SENP5: variants seen among roughly 807,000 people sequenced by gnomAD.
SENP5 encodes SUMO specific peptidase 5.
In SENP5, 21 loss-of-function variants were observed where a neutral mutation model predicts 74.2. That is an observed-to-expected ratio of 0.28 (90% CI 0.20 to 0.41). SENP5 has a LOEUF of 0.41. SENP5 is among the 10% of genes least tolerant of loss of function. The pLI is 1.00. For missense variants in SENP5, 717 were observed against 889.1 expected (o/e 0.81, Z 2.46); for synonymous variants, 311 against 312.7 (o/e 0.99, Z 0.06).
In SENP5 at chr3:196,926,965, G is replaced by A. The variant is rs114534190; in HGVS notation, c.2023-831G>A. ...GGCCCTGGTCCACTTTTGTTGGGGGGTGGGGTGGGTTATTCACATAACCTC... is the reference window on the plus strand; with the variant it reads ...GGCCCTGGTCCACTTTTGTTGGGGGATGGGGTGGGTTATTCACATAACCTC... On this transcript the variant is annotated intron_variant, in intron 7 of 9. Coordinates refer to ENST00000323460, the MANE Select transcript of SENP5 (RefSeq NM_152699.5). 9.1e-3 allele frequency among the ~76,000 whole-genome samples: 1,386 copies of A among 152,178 alleles called. 17 individuals carry two copies. Among genetic ancestry groups the A allele is most frequent in the African/African-American group, 0.032 (1,325 of 41,508 alleles).
intron 2 of SENP5, among the ~76,000 whole-genome samples, chr3:196,894,702 C>T (rs1349345920): frequency 6.6e-6 from 1 of 152,056 alleles, no homozygotes; most frequent in Non-Finnish European, 1.5e-5. Flanking sequence ...CTCTATTTGC[C>T]TTAATTAGCG....
At position 196,868,035 on chromosome 3, in the gene SENP5, G is replaced by C. The variant is rs1007833477; in HGVS notation, c.-70G>C. On this transcript the variant is annotated 5_prime_UTR_variant, in exon 1 of 10. Coordinates refer to ENST00000323460, the MANE Select transcript of SENP5 (RefSeq NM_152699.5). Reference sequence around the variant, plus strand: ...GCGGTCCAGGCTGCTGCCGCGACGGGGCCGGCGGCGGGGCAGCTGCCAGGA... The same window carrying C: ...GCGGTCCAGGCTGCTGCCGCGACGGCGCCGGCGGCGGGGCAGCTGCCAGGA... 2.6e-5 allele frequency: 4 copies of C among 152,244 alleles called. No homozygotes were observed. Among genetic ancestry groups the C allele is most frequent in the African/African-American group, 9.6e-5 (4 of 41,472 alleles). The allele number at this position is 152,244 out of a possible 1,614,324, so 9.4% of individuals were successfully genotyped here. A position where few individuals can be genotyped will look rare whatever the true frequency, so the allele number is the denominator to read the frequency against.
intron 2 of SENP5, among the ~76,000 whole-genome samples, chr3:196,894,163 G>T (rs1193600640): frequency 9.2e-6 from 1 of 109,116 alleles, no homozygotes; most frequent in Non-Finnish European, 1.7e-5. Context: ...TGATCTTGTT[G>T]CCCAGGCTGG....
At position 196,886,211 on chromosome 3, in the gene SENP5, T is replaced by C. The variant is rs1433555577; in HGVS notation, c.1030T>C (p.Phe344Leu). 1 of 1,614,062 alleles carries C rather than the reference T, an allele frequency of 6.2e-7. No individual in the cohort carries two copies. The highest frequency in any genetic ancestry group is 1.7e-5 in the Admixed American group (1 of 60,002). Residue 344 changes from phenylalanine to leucine, a missense_variant, in exon 2 of 10, where the codon TTC becomes CTC. Physicochemically the swap from Phe to Leu is conservative, Grantham distance 22. This residue lies in a region of SENP5 where 567 missense variants were observed against 577.4 expected (regional missense o/e 0.98). Transcript: ENST00000323460. ...LGKELSLDEA[F>L]PDQQNGSATN... ...CAAGGAGCTTAGTTTAGACGAAGCA[T>C]TCCCTGACCAACAGAATGGCAGTGC... is the stretch of plus-strand genomic sequence containing the variant.
chr3:196,872,204 C>T (rs1486196156), intron 1 of SENP5, among the ~76,000 whole-genome samples: 2 of 152,130 alleles, frequency 1.3e-5, no homozygotes, highest in Non-Finnish European at 2.9e-5. Context: ...TTCTATTTCC[C>T]TTGTGTGCGT....
At position 196,899,745 on chromosome 3, in the gene SENP5, T is replaced by A. The variant is rs775496978; in HGVS notation, c.1593T>A (p.Asp531Glu). 7.5e-6 allele frequency: 12 copies of A among 1,603,680 alleles called. No individual in the cohort carries two copies. The East Asian group carries it at 2.7e-4, about 36-fold the overall frequency. ...AAGAAGTCCTTGGAAGATTAAAAGA[T>A]GTCTTTAATGAAGACTTTTCTAATA... is the stretch of plus-strand genomic sequence containing the variant. The part of the protein sequence containing the change: ...SEKEVLGRLK[D>E]VFNEDFSNRK... The change falls in exon 3 of 10, where the codon GAT (aspartate) becomes GAA (glutamate). Residue 531 changes from aspartate (D) to glutamate (E), a missense_variant. Asp to Glu is a conservative substitution (Grantham distance 45, BLOSUM62 2). This residue lies in a region of SENP5 where 64 missense variants were observed against 100.8 expected (regional missense o/e 0.64). Transcript: ENST00000323460.
intron 6 of SENP5, among the ~76,000 whole-genome samples, chr3:196,904,526 G>C (rs1028327064): frequency 6.6e-6 from 1 of 152,174 alleles, no homozygotes; most frequent in African/African-American, 2.4e-5. Context: ...GGTGGCTCAC[G>C]CCTGTAATCC....
intron 5 of SENP5, among the ~76,000 whole-genome samples, chr3:196,902,328 A>G (rs529086160): frequency 1.1e-4 from 17 of 152,124 alleles, no homozygotes; most frequent in African/African-American, 3.4e-4. Flanking sequence ...GAGTCTTGCT[A>G]TGTTGCCCAG....
intron 5 of SENP5, among the ~76,000 whole-genome samples, 161 bp downstream of exon 5, chr3:196,900,573 T>G (rs1262510260): frequency 6.6e-6 from 1 of 152,176 alleles, no homozygotes; most frequent in Non-Finnish European, 1.5e-5. Flanking sequence ...GATCGTAAGT[T>G]CCATCAAATC....
At chr3:196,901,912 A>G (rs1714716834) in intron 5 of SENP5, among the ~76,000 whole-genome samples, 1 of 152,240 alleles carries the variant, frequency 6.6e-6, no homozygotes, top group African/African-American at 2.4e-5. Flanking sequence ...TACTAGCAGC[A>G]TCAGTATCCC....
chr3:196,887,224 G>C (rs1287633697), intron 2 of SENP5, among the ~76,000 whole-genome samples: 1 of 151,766 alleles, frequency 6.6e-6, no homozygotes, highest in Non-Finnish European at 1.5e-5. Context: ...TCTGTCGCCA[G>C]GCTGGAGTGC....
chr3:196,929,580 C>A, intron 8 of SENP5, 53 bp from the exon 9 acceptor site: 1 of 1,160,986 alleles, frequency 8.6e-7, no homozygotes, highest in Non-Finnish European at 1.3e-6. Context: ...TTTTTCTTAT[C>A]TGAAGAGAAG....
At chr3:196,909,931 G>C (rs1242295177) in intron 6 of SENP5, among the ~76,000 whole-genome samples, 1 of 151,988 alleles carries the variant, frequency 6.6e-6, no homozygotes, top group African/African-American at 2.4e-5. Context: ...AGAAATACAG[G>C]GTATTCAGAT....
rs1192258612 is a variant in SENP5 at position 196,926,639 on chromosome 3, C to CTT, written c.2023-1141_2023-1140dup. Among the ~76,000 whole-genome samples the CTT allele has an allele frequency of 4.2e-3, 537 of 126,648 alleles. 19 individuals carry two copies. The East Asian group carries it at 0.049, about 12-fold the overall frequency. The allele number at this position is 126,648 out of a possible 152,430, so 83.1% of individuals were successfully genotyped here. A position where few individuals can be genotyped will look rare whatever the true frequency, so the allele number is the denominator to read the frequency against. ...TCTGAAGAGGTGGCTTCCAGTCCACCTTTTTTTTTTTTTTTTTGAGTCAGA... is the reference window on the plus strand; with the variant it reads ...TCTGAAGAGGTGGCTTCCAGTCCACCTTTTTTTTTTTTTTTTTTTGAGTCAGA... On this transcript the variant is annotated intron_variant, in intron 7 of 9. Coordinates refer to ENST00000323460, the MANE Select transcript of SENP5 (RefSeq NM_152699.5).
At position 196,899,746 on chromosome 3, in the gene SENP5, G is replaced by A. The variant is rs760935003; in HGVS notation, c.1594G>A (p.Val532Ile). Residue 532 changes from valine (V) to isoleucine (I), a missense_variant, in exon 3 of 10, where the codon GTC (valine) becomes ATC (isoleucine). Transcript: ENST00000323460. ...AGAAGTCCTTGGAAGATTAAAAGAT[G>A]TCTTTAATGAAGACTTTTCTAATAG... is the stretch of plus-strand genomic sequence containing the variant. ...EKEVLGRLKDVFNEDFSNRKP... is the reference protein window; with the variant it reads ...EKEVLGRLKDIFNEDFSNRKP... The A allele has an allele frequency of 1.2e-6, 2 of 1,602,938 alleles. No individual in the cohort carries two copies. The highest frequency in any genetic ancestry group is 4.5e-5 in the East Asian group (2 of 44,738).
At chr3:196,869,127 A>G (rs1244020551) in intron 1 of SENP5, among the ~76,000 whole-genome samples, 2 of 150,738 alleles carry the variant, frequency 1.3e-5, no homozygotes, top group Non-Finnish European at 2.9e-5. Context: ...TTCCCAGTGC[A>G]TCTTTTCTAG....
At chr3:196,904,221 G>T (rs1425965612) in intron 6 of SENP5, among the ~76,000 whole-genome samples, 2 of 152,202 alleles carry the variant, frequency 1.3e-5, no homozygotes, top group Non-Finnish European at 2.9e-5. Flanking sequence ...AGGTAACTGG[G>T]ATAGGGTAGC....
chr3:196,886,922 A>G (rs967892087), intron 2 of SENP5, among the ~76,000 whole-genome samples: 19 of 152,164 alleles, frequency 1.2e-4, no homozygotes, highest in Admixed American at 1.2e-3. Flanking sequence ...GTGCGATGAA[A>G]TTATGTCTTT....
intron 8 of SENP5, 123 bp from the exon 9 acceptor site, chr3:196,929,510 T>C (rs1409742769): frequency 5.0e-6 from 3 of 595,130 alleles, no homozygotes; most frequent in Admixed American, 7.2e-5. Flanking sequence ...ATATCAGATA[T>C]ACCAGCTGTC....
Sources: allele counts gnomAD v4.1 joint callset (sites outside exome capture counted in the v4.1 genomes callset), GRCh38; gene constraint gnomAD v4.1.1; regional missense constraint gnomAD v4.1.1; transcripts MANE v1.5; gene names NCBI Gene and HGNC (gene_info 2026-07-23, HGNC 2026-07-21).